IGSF21: variants seen among roughly 807,000 people sequenced by gnomAD.
IGSF21 encodes immunoglobin superfamily member 21, also known as immunoglobulin superfamily member 21.
Under a neutral mutation model 46.8 loss-of-function variants are expected in IGSF21, and 28 were observed. The observed-to-expected ratio is 0.60, with a 90% CI of 0.44 to 0.82. The LOEUF is 0.82. Ranked by LOEUF, IGSF21 falls within the 40% of genes least tolerant of loss-of-function variation. The pLI, the probability that IGSF21 is intolerant of heterozygous loss-of-function variation, is 0.00. For missense variants in IGSF21, 624 were observed against 665.5 expected (o/e 0.94, Z 0.69); for synonymous variants, 284 against 273.6 (o/e 1.04, Z -0.38).
chr1:18,147,837 T>C (rs992164942), intron 1 of IGSF21, among the ~76,000 whole-genome samples: 9 of 152,146 alleles, frequency 5.9e-5, no homozygotes, highest in African/African-American at 2.2e-4. Flanking sequence ...CATCTTTAAT[T>C]GTAGCTCCCA....
Position 18,350,724 on chromosome 1 carries a change from C to T in IGSF21, c.425-11391C>T, listed in dbSNP as rs557639191. 1.2e-4 allele frequency among the ~76,000 whole-genome samples: 18 copies of T among 152,284 alleles called. No individual in the cohort carries two copies. In the East Asian group the frequency reaches 3.3e-3, roughly 28 times the overall value. The stretch of plus-strand genomic sequence containing the variant: ...CCTCCCCACTCACCCACCTCATCTC[C>T]CCTGGAAATTGCTTTATGAGGAGCA... On this transcript the variant is annotated intron_variant, in intron 4 of 9. Coordinates refer to ENST00000251296, the MANE Select transcript of IGSF21 (RefSeq NM_032880.5).
intron 3 of IGSF21, among the ~76,000 whole-genome samples, chr1:18,325,766 C>T (rs1411981040): frequency 6.6e-6 from 1 of 152,182 alleles, no homozygotes; most frequent in African/African-American, 2.4e-5. Flanking sequence ...TCTGTTTTCC[C>T]AGGTCTGCCA....
chr1:18,226,824 C>T (rs1283522964), intron 1 of IGSF21, among the ~76,000 whole-genome samples: 2 of 152,200 alleles, frequency 1.3e-5, no homozygotes, highest in Admixed American at 1.3e-4. Flanking sequence ...TCCATTAGAT[C>T]AATGACTGGA....
chr1:18,159,656 C>A (rs2086598668), intron 1 of IGSF21, among the ~76,000 whole-genome samples: 1 of 149,854 alleles, frequency 6.7e-6, no homozygotes, highest in African/African-American at 2.5e-5. Flanking sequence ...ACCTCTTTTT[C>A]TTTATAAATC....
intron 4 of IGSF21, among the ~76,000 whole-genome samples, chr1:18,357,696 G>C (rs541535911): frequency 1.5e-4 from 23 of 152,226 alleles, no homozygotes; most frequent in African/African-American, 5.5e-4. Context: ...GTGACTAGAA[G>C]AGTGAAGCAT....
chr1:18,378,192 C>T (rs1276448451), intron 9 of IGSF21, 64 bp from the exon 10 acceptor site: 1 of 1,353,038 alleles, frequency 7.4e-7, no homozygotes, highest in Middle Eastern at 1.8e-4. Context: ...GACCTGGAGG[C>T]TCTGCTGTTC....
intron 2 of IGSF21, among the ~76,000 whole-genome samples, chr1:18,253,892 G>A (rs1035928745): frequency 6.6e-6 from 1 of 152,182 alleles, no homozygotes; most frequent in Non-Finnish European, 1.5e-5. Flanking sequence ...TTTGAAAGGT[G>A]GATCAAGTCA....
In IGSF21 at chr1:18,334,749, T is replaced by C. The variant is rs1408912523; in HGVS notation, c.306-143T>C. ...CTGCATACAGTCGGTGTTCCATAAA[T>C]GCTCCCCTCCTCCCAGCCCAGCACA... On this transcript the variant is annotated intron_variant, in intron 3 of 9. Coordinates refer to ENST00000251296, the MANE Select transcript of IGSF21 (RefSeq NM_032880.5). The surrounding 1 kb of genome is among the most constrained non-coding windows in gnomAD (Gnocchi z 4.3). The C allele has an allele frequency of 5.8e-6, 4 of 684,454 alleles. No individual in the cohort carries two copies. Among genetic ancestry groups the C allele is most frequent in the Non-Finnish European group, 1.1e-5 (4 of 376,982 alleles). The allele number at this position is 684,454 out of a possible 1,614,324, so 42.4% of individuals were successfully genotyped here.
At chr1:18,178,702 A>G (rs11260950) in intron 1 of IGSF21, among the ~76,000 whole-genome samples, 53,546 of 151,886 alleles carry the variant, frequency 0.35, 10,257 homozygotes, top group Non-Finnish European at 0.44. Context: ...TTTAAGAGTT[A>G]AGCCCTGGGG....
chr1:18,247,991 G>A (rs893079734), intron 2 of IGSF21, among the ~76,000 whole-genome samples: 1 of 152,280 alleles, frequency 6.6e-6, no homozygotes, highest in African/African-American at 2.4e-5. Flanking sequence ...CAGGCAAATA[G>A]AGCCATTAGC....
intron 1 of IGSF21, among the ~76,000 whole-genome samples, chr1:18,150,265 AG>A (rs879532285): frequency 6.6e-6 from 1 of 152,180 alleles, no homozygotes; most frequent in Non-Finnish European, 1.5e-5. Flanking sequence ...TTTTGGAACC[AG>A]GTTGAGCTGG....
chr1:18,220,604 T>A (rs952357966), intron 1 of IGSF21, among the ~76,000 whole-genome samples: 1 of 152,078 alleles, frequency 6.6e-6, no homozygotes, highest in Non-Finnish European at 1.5e-5. Context: ...GAGGTGAGCA[T>A]ACCCTGAATA....
intron 2 of IGSF21, among the ~76,000 whole-genome samples, chr1:18,243,558 C>T (rs998330178): frequency 9.2e-5 from 14 of 152,172 alleles, no homozygotes; most frequent in African/African-American, 3.4e-4. Flanking sequence ...CAGTATCCAC[C>T]AAGCAGCCAG....
At chr1:18,332,653 G>A (rs1449109086) in intron 3 of IGSF21, among the ~76,000 whole-genome samples, 2 of 152,160 alleles carry the variant, frequency 1.3e-5, no homozygotes, top group Admixed American at 6.5e-5. Flanking sequence ...CCATGTCACT[G>A]CGCTCTTTAT....
chr1:18,356,606 C>A (rs993943369), intron 4 of IGSF21, among the ~76,000 whole-genome samples: 1 of 152,222 alleles, frequency 6.6e-6, no homozygotes, highest in Non-Finnish European at 1.5e-5. Flanking sequence ...TGATCTCCCA[C>A]CTTTGATTGA....
At chr1:18,133,890 T>A (rs912170544) in intron 1 of IGSF21, among the ~76,000 whole-genome samples, 2 of 152,242 alleles carry the variant, frequency 1.3e-5, no homozygotes, top group Non-Finnish European at 2.9e-5. Flanking sequence ...CACGGGTCAG[T>A]GACTTCACTC....
At position 18,108,121 on chromosome 1, in the gene IGSF21, C is replaced by A; in HGVS notation, c.-8C>A. ...CCGCCCCGCCACCGCCGCCAGCTCC[C>A]GGGCACCATGCGAACCGCCCCGAGC... On this transcript the variant is annotated 5_prime_UTR_variant, in exon 1 of 10. Coordinates refer to ENST00000251296, the MANE Select transcript of IGSF21 (RefSeq NM_032880.5). 1 of 1,366,456 alleles carries A rather than the reference C, an allele frequency of 7.3e-7. No homozygotes were observed. Among genetic ancestry groups the A allele is most frequent in the Admixed American group, 2.7e-5 (1 of 37,620 alleles). The allele number at this position is 1,366,456 out of a possible 1,614,324, so 84.6% of individuals were successfully genotyped here.
intron 1 of IGSF21, among the ~76,000 whole-genome samples, chr1:18,214,396 C>G (rs150125576): frequency 6.6e-6 from 1 of 152,092 alleles, no homozygotes; most frequent in African/African-American, 2.4e-5. Context: ...GAGATGCTCC[C>G]CCTCTGATGT....
chr1:18,211,531 A>G (rs993253515), intron 1 of IGSF21, among the ~76,000 whole-genome samples: 1 of 152,194 alleles, frequency 6.6e-6, no homozygotes, highest in Non-Finnish European at 1.5e-5. Flanking sequence ...GGAGAGAAAA[A>G]TAAAAGGCAA....
Sources: gnomAD v4.1 joint callset for allele counts (sites outside exome capture counted in the v4.1 genomes callset) on GRCh38, gnomAD v4.1.1 for gene constraint, Gnocchi (gnomAD v3.1) non-coding constraint, MANE v1.5 for transcripts, NCBI Gene and HGNC (gene_info 2026-07-23, HGNC 2026-07-21) for gene names.